The following RBMS3 variants were observed in gnomAD, a reference collection of about 807,000 sequenced individuals.
RBMS3 encodes the protein RNA binding motif single stranded interacting protein 3, also known as RNA-binding motif, single-stranded-interacting protein 3.
RBMS3 carries 27 observed loss-of-function variants against 66.8 expected under a neutral mutation model. The observed-to-expected ratio is 0.40, with a 90% CI of 0.30 to 0.56. The LOEUF is 0.56. RBMS3 is among the 20% of genes least tolerant of loss of function. The pLI is 0.40. For missense variants in RBMS3, 513 were observed against 549.5 expected (o/e 0.93, Z 0.66); for synonymous variants, 188 against 183.0 (o/e 1.03, Z -0.22).
At chr3:29,714,249 T>C (rs1383475832) in intron 4 of RBMS3, among the ~76,000 whole-genome samples, 2 of 144,656 alleles carry the variant, frequency 1.4e-5, no homozygotes, top group African/African-American at 2.6e-5. Context: ...GAAGGTAGAA[T>C]TGAAAGATTT....
intron 6 of RBMS3, among the ~76,000 whole-genome samples, chr3:29,843,002 G>C (rs953325478): frequency 6.6e-6 from 1 of 152,120 alleles, no homozygotes; most frequent in African/African-American, 2.4e-5. Context: ...GTAGAAATTT[G>C]TTACAACAGC....
intron 12 of RBMS3, among the ~76,000 whole-genome samples, chr3:29,970,123 A>G (rs1399302310): frequency 6.6e-6 from 1 of 152,214 alleles, no homozygotes; most frequent in Non-Finnish European, 1.5e-5. Flanking sequence ...AAAATTGTAT[A>G]TAATGTAGGA....
At chr3:29,346,615 A>G (rs4234344) in intron 1 of RBMS3, among the ~76,000 whole-genome samples, 109,260 of 151,464 alleles carry the variant, frequency 0.72, 39,489 homozygotes, top group Non-Finnish European at 0.75. Flanking sequence ...GGTTGACCGG[A>G]CTGGTCTCGA....
chr3:29,454,327 C>G (rs1391046824), intron 2 of RBMS3, among the ~76,000 whole-genome samples: 1 of 152,168 alleles, frequency 6.6e-6, no homozygotes, highest in Non-Finnish European at 1.5e-5. Context: ...GGAGAAGGGA[C>G]TCTGGCAAGA....
chr3:29,532,758 C>T (rs921028836), intron 3 of RBMS3, among the ~76,000 whole-genome samples: 1 of 151,998 alleles, frequency 6.6e-6, no homozygotes, highest in Non-Finnish European at 1.5e-5. Flanking sequence ...AATTGTGAGA[C>T]CTGATTCTTT....
intron 1 of RBMS3, among the ~76,000 whole-genome samples, chr3:29,399,249 A>G (rs1007068813): frequency 6.6e-6 from 1 of 152,148 alleles, no homozygotes; most frequent in African/African-American, 2.4e-5. Context: ...ATATGCATAC[A>G]TCCACACATC....
intron 5 of RBMS3, among the ~76,000 whole-genome samples, chr3:29,741,642 T>C (rs2054652933): frequency 6.6e-6 from 1 of 152,232 alleles, no homozygotes; most frequent in Non-Finnish European, 1.5e-5. Context: ...TATTTTTTTC[T>C]TTAAACAAAG....
chr3:29,600,238 A>G (rs1393509618), intron 4 of RBMS3, among the ~76,000 whole-genome samples: 1 of 152,024 alleles, frequency 6.6e-6, no homozygotes, highest in Non-Finnish European at 1.5e-5. Context: ...TTCAAACCTC[A>G]TGCTGAAATT....
chr3:29,351,059 G>C (rs1255114125), intron 1 of RBMS3, among the ~76,000 whole-genome samples: 1 of 151,944 alleles, frequency 6.6e-6, no homozygotes, highest in African/African-American at 2.4e-5. Flanking sequence ...ATACCAACTT[G>C]CTTACTTGAT....
intron 1 of RBMS3, among the ~76,000 whole-genome samples, chr3:29,411,993 CTT>C (rs1034995384): frequency 1.2e-4 from 18 of 152,166 alleles, no homozygotes; most frequent in Non-Finnish European, 2.6e-4. Flanking sequence ...TAAATTAAGA[CTT>C]TTGAAGAAGT....
chr3:29,813,008 G>A (rs774301908), intron 6 of RBMS3, among the ~76,000 whole-genome samples: 3 of 151,910 alleles, frequency 2.0e-5, no homozygotes. Context: ...TTTTCATCCA[G>A]TAGTGTATCA....
chr3:29,813,458 T>C (rs955578555), intron 6 of RBMS3, among the ~76,000 whole-genome samples: 19 of 152,168 alleles, frequency 1.2e-4, no homozygotes, highest in Non-Finnish European at 1.9e-4. Context: ...GACTTGGCGA[T>C]GCGGGCTCTT....
intron 10 of RBMS3, among the ~76,000 whole-genome samples, chr3:29,904,546 G>T (rs541519698): frequency 3.6e-4 from 55 of 152,006 alleles, no homozygotes; most frequent in Non-Finnish European, 6.6e-4. Context: ...TGCACCAAAA[G>T]GTGTACTTTC....
intron 3 of RBMS3, among the ~76,000 whole-genome samples, chr3:29,514,728 G>C (rs1208542053): frequency 7.6e-6 from 1 of 131,808 alleles, no homozygotes; most frequent in Non-Finnish European, 1.6e-5. Context: ...TATATGATAA[G>C]CATATATATA....
chr3:29,661,058 C>T (rs189742811), intron 4 of RBMS3, among the ~76,000 whole-genome samples: 2 of 152,326 alleles, frequency 1.3e-5, no homozygotes, highest in African/African-American at 4.8e-5. Flanking sequence ...GCTCCAGGAG[C>T]ATGCGTACAG....
At chr3:29,882,556 A>G (rs1170418217) in intron 7 of RBMS3, among the ~76,000 whole-genome samples, 2 of 152,024 alleles carry the variant, frequency 1.3e-5, no homozygotes, top group Admixed American at 6.6e-5. Context: ...CTTTATACCA[A>G]TTCCATTCAC....
At chr3:29,426,062 C>T (rs139453633) in intron 1 of RBMS3, among the ~76,000 whole-genome samples, 51 of 152,300 alleles carry the variant, frequency 3.3e-4, no homozygotes, top group Admixed American at 5.9e-4. Context: ...CATTATTCCA[C>T]AAGGAACCAA....
chr3:29,324,235 C>T (rs1013455345), intron 1 of RBMS3, among the ~76,000 whole-genome samples: 1 of 152,150 alleles, frequency 6.6e-6, no homozygotes, highest in Non-Finnish European at 1.5e-5. Flanking sequence ...AACCAGCAGT[C>T]ACTGTGGCTG....
chr3:29,469,811 G>A (rs186630997), intron 2 of RBMS3, among the ~76,000 whole-genome samples: 11 of 151,124 alleles, frequency 7.3e-5, no homozygotes, highest in Non-Finnish European at 1.6e-4. Flanking sequence ...ACAGAGGCAA[G>A]CAAGAAAGTT....
Sources: allele counts gnomAD v4.1 joint callset (sites outside exome capture counted in the v4.1 genomes callset), GRCh38; gene constraint gnomAD v4.1.1; transcripts MANE v1.5; gene names NCBI Gene and HGNC (gene_info 2026-07-23, HGNC 2026-07-21).